Variants in SCFD2 observed in about 807,000 individuals in gnomAD.
SCFD2 encodes the protein sec1 family domain-containing protein 2.
A neutral mutation model predicts 58.9 loss-of-function variants in SCFD2; 54 were observed. That is an observed-to-expected ratio of 0.92 (90% CI 0.74 to 1.15). The LOEUF is 1.15. Among genes scored for constraint, SCFD2 ranks in the 50% most tolerant of loss-of-function variants. SCFD2 has a pLI of 0.00. For synonymous variants in SCFD2, 321 were observed against 335.9 expected, an observed-to-expected ratio of 0.96 and a Z score of 0.49; for missense variants, 805 against 836.6, an observed-to-expected ratio of 0.96 and a Z score of 0.47.
At chr4:53,195,555 T>C (rs1170066908) in intron 4 of SCFD2, among the ~76,000 whole-genome samples, 1 of 152,126 alleles carries the variant, frequency 6.6e-6, no homozygotes, top group Admixed American at 6.6e-5. Context: ...GCTTTCACCA[T>C]GCCACTTCTC....
chr4:53,042,234 C>T lies in SCFD2; in HGVS notation c.1561+103099G>A, dbSNP rs180922292. On this transcript the variant is annotated intron_variant, in intron 5 of 8. Transcript: ENST00000401642. ...TGCTATCTATTCCTCAATCCAAATCCGGAAATGCGTAAAATCATTTCACTG... is the reference window on the plus strand; with the variant it reads ...TGCTATCTATTCCTCAATCCAAATCTGGAAATGCGTAAAATCATTTCACTG... Among the ~76,000 whole-genome samples the T allele has an allele frequency of 6.6e-5, 10 of 152,176 alleles. No individual in the cohort carries two copies. The East Asian group carries it at 7.7e-4, about 12-fold the overall frequency.
intron 4 of SCFD2, among the ~76,000 whole-genome samples, chr4:53,153,345 A>G (rs1726569939): frequency 6.6e-6 from 1 of 152,238 alleles, no homozygotes; most frequent in Admixed American, 6.5e-5. Context: ...CTACAGTCTT[A>G]AAACCATGTG....
At chr4:53,078,571 C>A (rs575914912) in intron 5 of SCFD2, among the ~76,000 whole-genome samples, 1 of 152,166 alleles carries the variant, frequency 6.6e-6, no homozygotes, top group Non-Finnish European at 1.5e-5. Flanking sequence ...GGCATTGACT[C>A]TATGCGCTAG....
At chr4:53,152,473 A>C (rs1277867975) in intron 4 of SCFD2, among the ~76,000 whole-genome samples, 1 of 152,232 alleles carries the variant, frequency 6.6e-6, no homozygotes, top group African/African-American at 2.4e-5. Flanking sequence ...ACACTATTAA[A>C]ACCTGTTTTG....
intron 3 of SCFD2, among the ~76,000 whole-genome samples, chr4:53,282,670 C>T (rs1360047728): frequency 1.3e-5 from 2 of 151,886 alleles, no homozygotes; most frequent in Non-Finnish European, 2.9e-5. Flanking sequence ...AGAATTTCAG[C>T]TGAACAAAAT....
At chr4:53,012,836 G>GTGTGTGTGTGTGTTTT (rs1553914338) in intron 5 of SCFD2, among the ~76,000 whole-genome samples, 3 of 145,082 alleles carry the variant, frequency 2.1e-5, no homozygotes, top group African/African-American at 5.1e-5. Flanking sequence ...GTGTGTGTGT[G>GTGTGTGTGTGTGTTTT]TTTTTTTTTA....
At chr4:53,204,133 T>C (rs1728335348) in intron 4 of SCFD2, among the ~76,000 whole-genome samples, 1 of 152,070 alleles carries the variant, frequency 6.6e-6, no homozygotes, top group South Asian at 2.1e-4. Flanking sequence ...CCTCATTCTA[T>C]AGTAAACCTC....
chr4:53,246,708 T>C (rs566514480), intron 4 of SCFD2, among the ~76,000 whole-genome samples: 6 of 152,302 alleles, frequency 3.9e-5, no homozygotes, highest in African/African-American at 1.4e-4. Flanking sequence ...ATTAAGGACT[T>C]AATTAATTGA....
intron 5 of SCFD2, among the ~76,000 whole-genome samples, chr4:53,025,038 G>A (rs28507473): frequency 0.21 from 32,279 of 151,958 alleles, 5,708 homozygotes; most frequent in African/African-American, 0.49. Context: ...CCAACCTGTG[G>A]GCATCTCCAC....
At chr4:52,948,493 T>C (rs1720499963) in intron 5 of SCFD2, 1 of 456,440 alleles carries the variant, frequency 2.2e-6, no homozygotes, top group African/African-American at 2.0e-5. Flanking sequence ...CTTCAGGTTA[T>C]CTTGAAGATG....
intron 3 of SCFD2, among the ~76,000 whole-genome samples, chr4:53,310,010 T>G (rs1732638801): frequency 6.6e-6 from 1 of 152,166 alleles, no homozygotes; most frequent in South Asian, 2.1e-4. Flanking sequence ...ATTGACTTTA[T>G]ACTCCATCAC....
At chr4:52,995,276 A>G (rs569504843) in intron 5 of SCFD2, among the ~76,000 whole-genome samples, 3 of 152,254 alleles carry the variant, frequency 2.0e-5, no homozygotes, top group East Asian at 1.9e-4. Flanking sequence ...GATCCCTCCC[A>G]TAGGCAGTTC....
chr4:52,953,750 A>T (rs1406763340), intron 5 of SCFD2, among the ~76,000 whole-genome samples: 1 of 152,224 alleles, frequency 6.6e-6, no homozygotes, highest in Non-Finnish European at 1.5e-5. Context: ...ATTAGAGTTT[A>T]TCCAGAAAAA....
At chr4:53,337,094 A>T (rs1733708857) in intron 2 of SCFD2, among the ~76,000 whole-genome samples, 1 of 149,970 alleles carries the variant, frequency 6.7e-6, no homozygotes, top group Non-Finnish European at 1.5e-5. Flanking sequence ...TGGCTTAAAC[A>T]ACAGAAATTT....
chr4:53,313,011 T>C (rs1296847485), intron 3 of SCFD2, among the ~76,000 whole-genome samples: 3 of 152,134 alleles, frequency 2.0e-5, no homozygotes. Flanking sequence ...CTCTGACTTT[T>C]TGATCAAAAG....
intron 5 of SCFD2, among the ~76,000 whole-genome samples, chr4:53,115,095 C>A (rs903128216): frequency 3.3e-5 from 5 of 151,996 alleles, no homozygotes; most frequent in Admixed American, 6.6e-5. Flanking sequence ...AAGGGATAAT[C>A]AGAAAACAAA....
intron 5 of SCFD2, among the ~76,000 whole-genome samples, chr4:53,014,630 A>G (rs1475784359): frequency 6.6e-6 from 1 of 152,216 alleles, no homozygotes; most frequent in East Asian, 1.9e-4. Flanking sequence ...AGTCCTTGTT[A>G]TAGCACAGAT....
chr4:53,237,526 C>CCT (rs1560402773), intron 4 of SCFD2, among the ~76,000 whole-genome samples: 1 of 68,740 alleles, frequency 1.5e-5, no homozygotes, highest in South Asian at 7.0e-4. Context: ...GGGCTGACCC[C>CCT]CACCTCTCTC....
chr4:53,290,448 T>C (rs1298690168), intron 3 of SCFD2, among the ~76,000 whole-genome samples: 4 of 152,096 alleles, frequency 2.6e-5, no homozygotes, highest in African/African-American at 9.7e-5. Flanking sequence ...ACAAAATGTA[T>C]CTTACCCTAT....
Sources: gnomAD v4.1 joint callset for allele counts (sites outside exome capture counted in the v4.1 genomes callset) on GRCh38, gnomAD v4.1.1 for gene constraint, MANE v1.5 for transcripts, NCBI Gene and HGNC (gene_info 2026-07-23, HGNC 2026-07-21) for gene names.